The following NEO1 variants were observed in gnomAD, a reference collection of about 807,000 sequenced individuals.
The protein encoded by NEO1 is neogenin 1.
A neutral mutation model predicts 159.7 loss-of-function variants in NEO1; 63 were observed. The observed-to-expected ratio is 0.39, with a 90% CI of 0.32 to 0.49. NEO1 has a LOEUF of 0.49. Ranked by LOEUF, NEO1 falls within the 20% of genes least tolerant of loss-of-function variation. The pLI is 0.85. For missense variants in NEO1, 1,615 were observed against 1,831.0 expected, an observed-to-expected ratio of 0.88 and a Z score of 2.15; for synonymous variants, 633 against 662.0, an observed-to-expected ratio of 0.96 and a Z score of 0.67.
chr15:73,207,401 G>A (rs543470902), intron 7 of NEO1, among the ~76,000 whole-genome samples: 7 of 152,112 alleles, frequency 4.6e-5, no homozygotes, highest in Non-Finnish European at 8.8e-5. Flanking sequence ...ATTAACCTCA[G>A]TTCCTCACTC....
intron 7 of NEO1, among the ~76,000 whole-genome samples, chr15:73,201,181 G>T: frequency 6.7e-6 from 1 of 149,988 alleles, no homozygotes; most frequent in African/African-American, 2.5e-5. Context: ...ATTTATTTCT[G>T]CTCTAATTTT....
At chr15:73,160,891 C>T (rs905438923) in intron 5 of NEO1, among the ~76,000 whole-genome samples, 7 of 152,166 alleles carry the variant, frequency 4.6e-5, no homozygotes. Context: ...ACCTTGAGCT[C>T]ATCTCCCCTT....
intron 7 of NEO1, among the ~76,000 whole-genome samples, chr15:73,222,296 G>T (rs1490937899): frequency 6.6e-6 from 1 of 151,328 alleles, no homozygotes; most frequent in African/African-American, 2.4e-5. Context: ...AGTAGAGACG[G>T]GGTTTCACCG....
chr15:73,226,099 C>T (rs990780320), intron 7 of NEO1, among the ~76,000 whole-genome samples: 2 of 152,202 alleles, frequency 1.3e-5, no homozygotes, highest in Non-Finnish European at 2.9e-5. Flanking sequence ...AGGAGAATCT[C>T]CCTTTCCCAC....
intron 5 of NEO1, 23 bp downstream of exon 5, chr15:73,136,050 A>C: frequency 6.4e-7 from 1 of 1,572,564 alleles, no homozygotes; most frequent in Non-Finnish European, 8.6e-7. Context: ...TTACTGTATA[A>C]TTTAAAAATC....
chr15:73,193,263 A>C (rs989717252), intron 7 of NEO1, among the ~76,000 whole-genome samples: 1 of 152,056 alleles, frequency 6.6e-6, no homozygotes, highest in African/African-American at 2.4e-5. Context: ...ACCCTATTAT[A>C]TAGGCTATTA....
At chr15:73,142,820 CA>C (rs1021804037) in intron 5 of NEO1, among the ~76,000 whole-genome samples, 5 of 151,832 alleles carry the variant, frequency 3.3e-5, no homozygotes, top group East Asian at 1.9e-4. Flanking sequence ...AAATTTCATC[CA>C]AAAAAAATTT....
At chr15:73,245,436 A>G (rs946832535) in intron 9 of NEO1, among the ~76,000 whole-genome samples, 15 of 152,184 alleles carry the variant, frequency 9.9e-5, no homozygotes, top group African/African-American at 3.4e-4. Context: ...AATGTGTTGT[A>G]TATCTTAAGT....
At chr15:73,290,904 G>T (rs766441073) in intron 25 of NEO1, among the ~76,000 whole-genome samples, 2 of 152,154 alleles carry the variant, frequency 1.3e-5, no homozygotes, top group Non-Finnish European at 2.9e-5. Flanking sequence ...CTTCAAGCAC[G>T]TGGATGTCTG....
intron 8 of NEO1, among the ~76,000 whole-genome samples, chr15:73,238,210 A>C (rs2039291777): frequency 6.7e-6 from 1 of 150,240 alleles, no homozygotes; most frequent in African/African-American, 2.5e-5. Context: ...CACTGCTGTC[A>C]CATCACCCTA....
intron 5 of NEO1, among the ~76,000 whole-genome samples, chr15:73,155,946 T>G (rs372014124): frequency 3.1e-4 from 47 of 152,344 alleles, no homozygotes; most frequent in African/African-American, 1.0e-3. Context: ...TATCTAGAAG[T>G]TCAAGGATTT....
At chr15:73,085,264 A>G (rs911911145) in intron 1 of NEO1, among the ~76,000 whole-genome samples, 1 of 152,014 alleles carries the variant, frequency 6.6e-6, no homozygotes, top group Admixed American at 6.6e-5. Context: ...TAATGCCTTT[A>G]TCACACAACA....
chr15:73,187,101 G>A (rs2035975749), intron 7 of NEO1, among the ~76,000 whole-genome samples: 1 of 152,180 alleles, frequency 6.6e-6, no homozygotes, highest in South Asian at 2.1e-4. Context: ...CAACAATACT[G>A]TGTGTCGAAG....
chr15:73,079,272 A>G (rs1431892889), intron 1 of NEO1, among the ~76,000 whole-genome samples: 1 of 152,226 alleles, frequency 6.6e-6, no homozygotes, highest in Admixed American at 6.5e-5. Context: ...CCCTAGGAAT[A>G]CAAATTATGT....
chr15:73,155,982 A>G (rs1784487475), intron 5 of NEO1, among the ~76,000 whole-genome samples: 1 of 152,166 alleles, frequency 6.6e-6, no homozygotes, highest in Non-Finnish European at 1.5e-5. Context: ...CTATTGCGGG[A>G]GAATTATTGT....
chr15:73,147,305 T>G (rs2032982977), intron 5 of NEO1, among the ~76,000 whole-genome samples: 1 of 152,200 alleles, frequency 6.6e-6, no homozygotes, highest in South Asian at 2.1e-4. Flanking sequence ...TGTCTTTGAT[T>G]TCTTTTTTGC....
At chr15:73,227,951 T>C (rs2038684968) in intron 7 of NEO1, among the ~76,000 whole-genome samples, 1 of 152,194 alleles carries the variant, frequency 6.6e-6, no homozygotes, top group Non-Finnish European at 1.5e-5. Context: ...ACAGTTACAA[T>C]GGGTGAACTT....
intron 9 of NEO1, 31 bp from the exon 10 acceptor site, chr15:73,249,029 A>T (rs80297933): frequency 1.2e-6 from 2 of 1,611,514 alleles, no homozygotes; most frequent in East Asian, 4.5e-5. Flanking sequence ...CATTTCATTT[A>T]TATCTTGCTT....
intron 1 of NEO1, among the ~76,000 whole-genome samples, chr15:73,106,530 C>G (rs2070702222): frequency 6.6e-6 from 1 of 152,058 alleles, no homozygotes; most frequent in Admixed American, 6.6e-5. Context: ...TTTTATATTA[C>G]TTAAAATCTT....
Sources: gnomAD v4.1 joint callset for allele counts (sites outside exome capture counted in the v4.1 genomes callset) on GRCh38, gnomAD v4.1.1 for gene constraint, MANE v1.5 for transcripts, NCBI Gene and HGNC (gene_info 2026-07-23, HGNC 2026-07-21) for gene names.